CHST8: variants seen among roughly 807,000 people sequenced by gnomAD.
CHST8 encodes the protein GALNAC-4-ST1.
Under a neutral mutation model 15.0 loss-of-function variants are expected in CHST8, and 10 were observed. That is an observed-to-expected ratio of 0.67 (90% CI 0.41 to 1.13). The LOEUF (loss-of-function observed/expected upper bound fraction) is 1.13. CHST8 is among the 50% of genes most tolerant of loss of function. The pLI is 0.00. For missense variants in CHST8, 634 were observed against 608.2 expected (o/e 1.04, Z -0.45); for synonymous variants, 259 against 256.6 (o/e 1.01, Z -0.09).
intron 2 of CHST8, chr19:33,684,549 T>TGCC (rs918100094): frequency 5.2e-5 from 8 of 152,702 alleles, no homozygotes; most frequent in African/African-American, 1.4e-4. Flanking sequence ...CAGAGTTTGC[T>TGCC]GCCGCCGCCG....
At chr19:33,675,037 C>T (rs1272685373) in intron 2 of CHST8, among the ~76,000 whole-genome samples, 1 of 152,198 alleles carries the variant, frequency 6.6e-6, no homozygotes, top group East Asian at 1.9e-4. Context: ...GACACACCTG[C>T]ATGCTCACAC....
intron 3 of CHST8, among the ~76,000 whole-genome samples, chr19:33,692,150 A>C (rs545447014): frequency 3.2e-4 from 48 of 151,216 alleles, no homozygotes; most frequent in African/African-American, 1.0e-3. Context: ...CATTTTAAAC[A>C]TTTTTTTTTT....
intron 3 of CHST8, among the ~76,000 whole-genome samples, chr19:33,716,430 G>A (rs935127363): frequency 4.6e-5 from 7 of 152,138 alleles, no homozygotes; most frequent in African/African-American, 7.2e-5. Flanking sequence ...ACAGTGGCAC[G>A]ATCACGACTC....
intron 3 of CHST8, among the ~76,000 whole-genome samples, chr19:33,691,974 T>C (rs1314218415): frequency 1.3e-5 from 2 of 152,170 alleles, no homozygotes; most frequent in East Asian, 1.9e-4. Flanking sequence ...GCGGGAATTC[T>C]GAGTTGCTTG....
intron 3 of CHST8, among the ~76,000 whole-genome samples, chr19:33,741,104 T>G (rs1202305952): frequency 1.3e-5 from 2 of 152,210 alleles, no homozygotes; most frequent in Non-Finnish European, 2.9e-5. Flanking sequence ...TAATTGCCAA[T>G]TTTCTGCTTC....
intron 3 of CHST8, among the ~76,000 whole-genome samples, chr19:33,704,449 C>T (rs1022901805): frequency 2.0e-5 from 3 of 151,846 alleles, no homozygotes; most frequent in Non-Finnish European, 4.4e-5. Context: ...CCACAGGGAG[C>T]GGGAGACCAC....
chr19:33,630,045 C>G (rs1248340812), intron 1 of CHST8, among the ~76,000 whole-genome samples: 4 of 104,014 alleles, frequency 3.8e-5, no homozygotes, highest in African/African-American at 1.2e-4. Context: ...TCCCCACCTT[C>G]GAGGCTGCCT....
intron 3 of CHST8, among the ~76,000 whole-genome samples, chr19:33,701,870 G>C (rs1973343485): frequency 6.6e-6 from 1 of 152,204 alleles, no homozygotes; most frequent in Non-Finnish European, 1.5e-5. Context: ...CCTGAAGCCT[G>C]CGTGGCTCAG....
chr19:33,677,359 A>C (rs1972823951), intron 2 of CHST8, among the ~76,000 whole-genome samples: 1 of 152,242 alleles, frequency 6.6e-6, no homozygotes, highest in South Asian at 2.1e-4. Flanking sequence ...CGATGAGGGC[A>C]TGTGAAACCC....
intron 1 of CHST8, among the ~76,000 whole-genome samples, chr19:33,631,572 T>C (rs1359625694): frequency 6.6e-6 from 1 of 152,192 alleles, no homozygotes; most frequent in Non-Finnish European, 1.5e-5. Context: ...TAAATTGCAT[T>C]TCTCCTGGTT....
Position 33,706,245 on chromosome 19 carries a change from T to G in CHST8, c.130+16854T>G, listed in dbSNP as rs76306916. ...TTGGGGAGCTGCACGGCACTGCCCTTCAGACTGTCAGGGCGTGCTTCATTC... is the reference window on the plus strand; with the variant it reads ...TTGGGGAGCTGCACGGCACTGCCCTGCAGACTGTCAGGGCGTGCTTCATTC... On this transcript the variant is annotated intron_variant, in intron 3 of 4. Transcript: ENST00000650847. 9.6e-3 allele frequency among the ~76,000 whole-genome samples: 1,467 copies of G among 152,242 alleles called. 21 individuals are homozygous for G. Among genetic ancestry groups the G allele is most frequent in the African/African-American group, 0.033 (1,381 of 41,554 alleles).
rs11084749 is a variant in CHST8, at chr19:33,748,600, G to A, written c.131-22813G>A. ...CAGGGTCTCTTACTGTCTCAACATGGTGTTGGGGGTGGCTCCTGCAGGTTC... is the reference window on the plus strand; with the variant it reads ...CAGGGTCTCTTACTGTCTCAACATGATGTTGGGGGTGGCTCCTGCAGGTTC... On this transcript the variant is annotated intron_variant, in intron 3 of 4. Coordinates refer to ENST00000650847, the MANE Select transcript of CHST8 (RefSeq NM_001127895.2). 3.8e-3 allele frequency among the ~76,000 whole-genome samples: 577 copies of A among 152,342 alleles called. 4 individuals carry two copies. The highest frequency in any genetic ancestry group is 0.013 in the African/African-American group (552 of 41,576).
chr19:33,743,236 G>A (rs1974232780), intron 3 of CHST8, among the ~76,000 whole-genome samples: 1 of 151,112 alleles, frequency 6.6e-6, no homozygotes, highest in Admixed American at 6.6e-5. Flanking sequence ...CATGTCCACT[G>A]TAGCATAACC....
At chr19:33,647,940 A>AT (rs879294098) in intron 1 of CHST8, among the ~76,000 whole-genome samples, 66 of 147,222 alleles carry the variant, frequency 4.5e-4, no homozygotes, top group Admixed American at 6.1e-4. Flanking sequence ...GGGGGTTTTT[A>AT]TTTTTTTTTT....
intron 3 of CHST8, among the ~76,000 whole-genome samples, chr19:33,716,935 C>T (rs1973675497): frequency 6.6e-6 from 1 of 152,084 alleles, no homozygotes; most frequent in Non-Finnish European, 1.5e-5. Context: ...CTGTGTCCTC[C>T]CATGGTTTTC....
intron 3 of CHST8, among the ~76,000 whole-genome samples, chr19:33,769,381 G>T (rs1054688858): frequency 6.6e-6 from 1 of 152,248 alleles, no homozygotes; most frequent in Non-Finnish European, 1.5e-5. Flanking sequence ...GACAAGCAGA[G>T]TGATTTCCCA....
chr19:33,765,792 G>A (rs1974828192), intron 3 of CHST8, among the ~76,000 whole-genome samples: 1 of 151,924 alleles, frequency 6.6e-6, no homozygotes, highest in African/African-American at 2.4e-5. Context: ...ATCTCTTGTG[G>A]TCTCGCGATC....
intron 2 of CHST8, among the ~76,000 whole-genome samples, chr19:33,670,248 C>A (rs1255032107): frequency 2.0e-5 from 3 of 152,168 alleles, no homozygotes; most frequent in Non-Finnish European, 4.4e-5. Flanking sequence ...TTTTCTGATT[C>A]TGTGAAGTTG....
In CHST8 at chr19:33,757,462, GAA is replaced by G. The variant is rs1442540645; in HGVS notation, c.131-13949_131-13948del. Reference sequence around the variant, plus strand: ...AGAAAGAAAGAAAGAAAGAAAGAAAGAAAGAAAGAAAGAAAGAAAGAAAGAAA... The same window carrying G: ...AGAAAGAAAGAAAGAAAGAAAGAAAGAGAAAGAAAGAAAGAAAGAAAGAAA... On this transcript the variant is annotated intron_variant, in intron 3 of 4. Transcript: ENST00000650847. Among the ~76,000 whole-genome samples the G allele has an allele frequency of 1.0e-3, 39 of 38,142 alleles. 8 individuals carry two copies. The highest frequency in any genetic ancestry group is 1.2e-3 in the Non-Finnish European group (23 of 18,926). 25.0% of individuals were successfully genotyped at this position (38,142 alleles called of 152,430 possible). A position where few individuals can be genotyped will look rare whatever the true frequency, so the allele number is the denominator to read the frequency against.
Sources: allele counts gnomAD v4.1 joint callset (sites outside exome capture counted in the v4.1 genomes callset), GRCh38; gene constraint gnomAD v4.1.1; transcripts MANE v1.5; gene names NCBI Gene and HGNC (gene_info 2026-07-23, HGNC 2026-07-21).